Variants in ENOX1 observed in about 807,000 individuals in gnomAD.
The protein encoded by ENOX1 is ecto-NOX disulfide-thiol exchanger 1.
Under a neutral mutation model 82.5 loss-of-function variants are expected in ENOX1, and 42 were observed. The ratio of observed to expected loss-of-function variants is 0.51; its 90% CI spans 0.40 to 0.66. The LOEUF is 0.66. ENOX1 is among the 30% of genes least tolerant of loss of function. The pLI is 0.00. For synonymous variants in ENOX1, 271 were observed against 282.2 expected (o/e 0.96, Z 0.40); for missense variants, 608 against 811.6 (o/e 0.75, Z 3.05).
intron 2 of ENOX1, among the ~76,000 whole-genome samples, chr13:43,572,960 C>T (rs902716214): frequency 1.3e-5 from 2 of 152,204 alleles, no homozygotes; most frequent in Non-Finnish European, 2.9e-5. Context: ...TTCATTACCT[C>T]TGGGACATAT....
At chr13:43,442,346 AGCC>A (rs2056407012) in intron 3 of ENOX1, among the ~76,000 whole-genome samples, 1 of 152,268 alleles carries the variant, frequency 6.6e-6, no homozygotes, top group Non-Finnish European at 1.5e-5. Context: ...CATATGGCAT[AGCC>A]TGAGAATGTG....
intron 11 of ENOX1, among the ~76,000 whole-genome samples, chr13:43,301,582 C>CAAA (rs34477975): frequency 5.0e-5 from 7 of 140,054 alleles, no homozygotes; most frequent in Admixed American, 7.1e-5. Flanking sequence ...ATTCCCCCAC[C>CAAA]AAAAAAAAAA....
At chr13:43,669,416 C>G (rs950136119) in intron 1 of ENOX1, among the ~76,000 whole-genome samples, 1 of 152,090 alleles carries the variant, frequency 6.6e-6, no homozygotes, top group Non-Finnish European at 1.5e-5. Context: ...TTCTCCCTCA[C>G]TACCTCCAAG....
chr13:43,610,852 T>C (rs1184378438), intron 2 of ENOX1, among the ~76,000 whole-genome samples: 2 of 152,146 alleles, frequency 1.3e-5, no homozygotes, highest in African/African-American at 2.4e-5. Flanking sequence ...CAAATAAAAT[T>C]GCTCATTGCC....
chr13:43,262,684 C>T (rs2044145507), intron 14 of ENOX1, among the ~76,000 whole-genome samples: 1 of 152,036 alleles, frequency 6.6e-6, no homozygotes, highest in South Asian at 2.1e-4. Flanking sequence ...GCCATGTTGC[C>T]CAGTCTGGTC....
chr13:43,352,640 C>G (rs745888476), intron 8 of ENOX1, among the ~76,000 whole-genome samples: 31 of 152,188 alleles, frequency 2.0e-4, no homozygotes, highest in Non-Finnish European at 3.2e-4. Context: ...TGAATTGTCT[C>G]GGAACAATGT....
At chr13:43,437,132 A>G (rs1328284444) in intron 3 of ENOX1, among the ~76,000 whole-genome samples, 2 of 152,216 alleles carry the variant, frequency 1.3e-5, no homozygotes, top group Non-Finnish European at 2.9e-5. Context: ...AAAGAAGAAC[A>G]AGGAAAAATA....
At chr13:43,502,139 T>A (rs1190770108) in intron 2 of ENOX1, among the ~76,000 whole-genome samples, 2 of 151,490 alleles carry the variant, frequency 1.3e-5, no homozygotes, top group Admixed American at 1.3e-4. Context: ...ATGAATACAT[T>A]ATTAGAAACA....
At chr13:43,776,877 C>T (rs1951947219) in intron 1 of ENOX1, among the ~76,000 whole-genome samples, 1 of 152,046 alleles carries the variant, frequency 6.6e-6, no homozygotes, top group Non-Finnish European at 1.5e-5. Context: ...CCACCAGTGC[C>T]TCCCAAGGGT....
At chr13:43,719,862 T>C (rs1490543226) in intron 1 of ENOX1, among the ~76,000 whole-genome samples, 3 of 152,158 alleles carry the variant, frequency 2.0e-5, no homozygotes, top group African/African-American at 4.8e-5. Flanking sequence ...TTAAGACTTC[T>C]AGAGAAGGTA....
intron 2 of ENOX1, among the ~76,000 whole-genome samples, chr13:43,517,696 T>C (rs1482226218): frequency 6.6e-6 from 1 of 152,134 alleles, no homozygotes; most frequent in Non-Finnish European, 1.5e-5. Flanking sequence ...GGTCTGAATG[T>C]GTGTGTCTCC....
intron 14 of ENOX1, among the ~76,000 whole-genome samples, chr13:43,248,558 T>A (rs188686669): frequency 3.7e-4 from 56 of 152,218 alleles, no homozygotes; most frequent in African/African-American, 1.3e-3. Flanking sequence ...AACTTTTAAT[T>A]TTTTTGGAGA....
chr13:43,663,471 A>T (rs997423161), intron 2 of ENOX1, among the ~76,000 whole-genome samples: 3 of 152,130 alleles, frequency 2.0e-5, no homozygotes, highest in Non-Finnish European at 4.4e-5. Context: ...ACCAATTTCC[A>T]TTCAAATACA....
chr13:43,624,001 G>C (rs1410708734), intron 2 of ENOX1, among the ~76,000 whole-genome samples: 2 of 152,166 alleles, frequency 1.3e-5, no homozygotes, highest in African/African-American at 4.8e-5. Context: ...TTATGAAACT[G>C]TCAAATCATT....
intron 3 of ENOX1, among the ~76,000 whole-genome samples, chr13:43,470,377 C>CGTATATATATATGTATATATATATGT (rs1297678055): frequency 7.4e-5 from 2 of 27,038 alleles, no homozygotes; most frequent in South Asian, 2.1e-3. Context: ...TATATATATA[C>CGTATATATATATGTATATATATATGT]ATATATATAC....
At chr13:43,706,853 TC>T (rs755475295) in intron 1 of ENOX1, among the ~76,000 whole-genome samples, 89 of 152,198 alleles carry the variant, frequency 5.8e-4, no homozygotes, top group Middle Eastern at 3.4e-3. Context: ...TCCTACCACT[TC>T]TACTCAACAT....
intron 3 of ENOX1, among the ~76,000 whole-genome samples, chr13:43,432,390 C>T (rs2055727016): frequency 6.6e-6 from 1 of 152,122 alleles, no homozygotes; most frequent in Non-Finnish European, 1.5e-5. Flanking sequence ...CCTGTAATCC[C>T]AGCACTTTGG....
intron 5 of ENOX1, among the ~76,000 whole-genome samples, chr13:43,364,662 C>T (rs1417664762): frequency 1.3e-5 from 2 of 150,868 alleles, no homozygotes; most frequent in African/African-American, 2.4e-5. Flanking sequence ...AGAGGCATGG[C>T]AGTTGAATTA....
chr13:43,306,739 T>C (rs557097479), intron 11 of ENOX1, among the ~76,000 whole-genome samples: 1 of 152,352 alleles, frequency 6.6e-6, no homozygotes, highest in Non-Finnish European at 1.5e-5. Flanking sequence ...TCCTTCCTTT[T>C]TAACAAGTGG....
Sources: allele counts gnomAD v4.1 joint callset (sites outside exome capture counted in the v4.1 genomes callset), GRCh38; gene constraint gnomAD v4.1.1; transcripts MANE v1.5; gene names NCBI Gene and HGNC (gene_info 2026-07-23, HGNC 2026-07-21).